PALD1: variants seen among roughly 807,000 people sequenced by gnomAD.
PALD1 encodes the protein paladin.
In PALD1, 57 loss-of-function variants were observed where a neutral mutation model predicts 96.0. That is an observed-to-expected ratio of 0.59 (90% CI 0.48 to 0.74). The LOEUF (loss-of-function observed/expected upper bound fraction) is 0.74. Ranked by LOEUF, PALD1 falls within the 30% of genes least tolerant of loss-of-function variation. The pLI is 0.00. For synonymous variants in PALD1, 464 were observed against 473.6 expected, an observed-to-expected ratio of 0.98 and a Z score of 0.26; for missense variants, 1,063 against 1,143.7, an observed-to-expected ratio of 0.93 and a Z score of 1.02.
intron 1 of PALD1, among the ~76,000 whole-genome samples, chr10:70,487,413 G>A (rs1463170710): frequency 3.3e-5 from 5 of 151,932 alleles, no homozygotes; most frequent in African/African-American, 7.3e-5. Context: ...GATTACAGGC[G>A]TGAACCACCG....
chr10:70,534,648 CCT>C lies in PALD1; in HGVS notation c.1123-86_1123-85del, dbSNP rs1847071208. The C allele has an allele frequency of 5.9e-6, 7 of 1,180,782 alleles. No individual in the cohort carries two copies. The South Asian group carries it at 9.1e-5, about 15-fold the overall frequency. 73.1% of individuals were successfully genotyped at this position (1,180,782 alleles called of 1,614,324 possible). A position where few individuals can be genotyped will look rare whatever the true frequency, so the allele number is the denominator to read the frequency against. ...ACCTCTCTGCCAATCTTTTTCTTTC[CCT>C]CTCTTTTCTCTTTTCTCCTGCCGTT... On this transcript the variant is annotated intron_variant, in intron 9 of 19. Coordinates refer to ENST00000263563, the MANE Select transcript of PALD1 (RefSeq NM_014431.3).
intron 17 of PALD1, among the ~76,000 whole-genome samples, chr10:70,546,594 G>A (rs867714055): frequency 1.3e-5 from 2 of 152,306 alleles, no homozygotes; most frequent in African/African-American, 2.4e-5. Flanking sequence ...GATTGGTGGG[G>A]CTTATGCCAC....
At chr10:70,494,956 G>A (rs1205597952) in intron 1 of PALD1, among the ~76,000 whole-genome samples, 2 of 152,330 alleles carry the variant, frequency 1.3e-5, no homozygotes, top group East Asian at 3.9e-4. Context: ...GCAGTATCTC[G>A]GAAAGCTGTT....
intron 18 of PALD1, among the ~76,000 whole-genome samples, chr10:70,559,369 C>T (rs372197254): frequency 1.2e-4 from 19 of 152,198 alleles, no homozygotes; most frequent in Middle Eastern, 3.4e-3. Context: ...GTTATGGGGA[C>T]AGGAGGCAGA....
intron 18 of PALD1, among the ~76,000 whole-genome samples, chr10:70,563,506 C>T (rs1174282425): frequency 1.3e-5 from 2 of 152,210 alleles, no homozygotes; most frequent in African/African-American, 2.4e-5. Flanking sequence ...CTTAAAAGAT[C>T]GATGCCCCAC....
chr10:70,565,965 G>A (rs920715544), intron 19 of PALD1, among the ~76,000 whole-genome samples: 3 of 152,204 alleles, frequency 2.0e-5, no homozygotes, highest in African/African-American at 4.8e-5. Context: ...TTCCAGCCTC[G>A]GGACCTCAGC....
chr10:70,468,977 CAGTGG>C, the PALD1 span, among the ~76,000 whole-genome samples: 3 of 152,144 alleles, frequency 2.0e-5, no homozygotes, highest in Non-Finnish European at 4.4e-5. Flanking sequence ...TATCTACCCA[CAGTGG>C]AGGGGGCACG....
chr10:70,497,846 A>T (rs542737648), intron 1 of PALD1, among the ~76,000 whole-genome samples: 1 of 152,260 alleles, frequency 6.6e-6, no homozygotes, highest in East Asian at 1.9e-4. Flanking sequence ...AAGTGCTGGG[A>T]TTATAGGCGG....
chr10:70,468,647 GGAC>G, the PALD1 span, among the ~76,000 whole-genome samples: 2 of 151,740 alleles, frequency 1.3e-5, no homozygotes, highest in African/African-American at 2.4e-5. Context: ...GACTTCTTAT[GGAC>G]GGGGTGTAGT....
At chr10:70,516,796 C>A (rs1012328487) in intron 1 of PALD1, among the ~76,000 whole-genome samples, 3 of 152,124 alleles carry the variant, frequency 2.0e-5, no homozygotes, top group African/African-American at 7.2e-5. Context: ...TGGGCTCAAG[C>A]AATCCTCCTG....
chr10:70,496,305 A>C (rs1195496599), intron 1 of PALD1, among the ~76,000 whole-genome samples: 1 of 151,258 alleles, frequency 6.6e-6, no homozygotes, highest in East Asian at 1.9e-4. Flanking sequence ...ATAGTGAATC[A>C]AGGCATAGCT....
intron 18 of PALD1, among the ~76,000 whole-genome samples, chr10:70,556,211 G>A (rs1045286084): frequency 2.0e-5 from 3 of 152,142 alleles, no homozygotes; most frequent in Non-Finnish European, 4.4e-5. Flanking sequence ...CGGAGTGTGT[G>A]TGTGAGTGTG....
At chr10:70,506,941 C>A (rs1271622419) in intron 1 of PALD1, among the ~76,000 whole-genome samples, 1 of 152,154 alleles carries the variant, frequency 6.6e-6, no homozygotes, top group South Asian at 2.1e-4. Context: ...CATTTTCTTT[C>A]AGGCAGTCAA....
chr10:70,526,286 GTTCA>G, intron 2 of PALD1, 150 bp downstream of exon 2: 1 of 657,362 alleles, frequency 1.5e-6, no homozygotes, highest in Non-Finnish European at 2.7e-6. Context: ...AGATGAAGCA[GTTCA>G]TTGGGAGTCA....
intron 1 of PALD1, among the ~76,000 whole-genome samples, chr10:70,498,322 C>A (rs1174970712): frequency 6.6e-6 from 1 of 152,172 alleles, no homozygotes; most frequent in Non-Finnish European, 1.5e-5. Flanking sequence ...ATCACCAGAG[C>A]TAGAGCGAGC....
At chr10:70,497,935 A>G (rs1030316672) in intron 1 of PALD1, among the ~76,000 whole-genome samples, 1 of 152,222 alleles carries the variant, frequency 6.6e-6, no homozygotes, top group Non-Finnish European at 1.5e-5. Context: ...TATACGTAAC[A>G]TAAAATTTAC....
chr10:70,556,073 C>G (rs975698857), intron 18 of PALD1, among the ~76,000 whole-genome samples: 1 of 152,052 alleles, frequency 6.6e-6, no homozygotes, highest in Non-Finnish European at 1.5e-5. Context: ...AGTAATGTGT[C>G]TTGGGAGCAG....
Position 70,510,249 on chromosome 10 carries a change from C to G in PALD1, c.-29-15674C>G, listed in dbSNP as rs183123143. 4.7e-3 allele frequency among the ~76,000 whole-genome samples: 714 copies of G among 152,168 alleles called. 4 individuals carry two copies. Among genetic ancestry groups the G allele is most frequent in the African/African-American group, 0.017 (687 of 41,500 alleles). On this transcript the variant is annotated intron_variant, in intron 1 of 19. Transcript: ENST00000263563. ...GCTCCTTGAAATGATGCTTTAGGTA[C>G]CTGGGAGATTGCTGGAGGTTGGAAG...
chr10:70,493,492 C>G (rs1381041281), intron 1 of PALD1, among the ~76,000 whole-genome samples: 2 of 152,198 alleles, frequency 1.3e-5, no homozygotes, highest in Admixed American at 1.3e-4. Context: ...TCCACAATGG[C>G]CTGTGTGAGC....
Sources: allele counts gnomAD v4.1 joint callset (sites outside exome capture counted in the v4.1 genomes callset), GRCh38; gene constraint gnomAD v4.1.1; transcripts MANE v1.5; gene names NCBI Gene and HGNC (gene_info 2026-07-23, HGNC 2026-07-21).